Variants in SULT1C3 observed in about 807,000 individuals in gnomAD.
SULT1C3 encodes the protein sulfotransferase 1C3.
In SULT1C3, 31 loss-of-function variants were observed where a neutral mutation model predicts 28.4. The ratio of observed to expected loss-of-function variants is 1.09; its 90% CI spans 0.82 to 1.47. SULT1C3 has a LOEUF of 1.47. Among genes scored for constraint, SULT1C3 ranks in the 40% most tolerant of loss-of-function variants. The pLI is 0.00. For missense variants in SULT1C3, 307 were observed against 272.5 expected (o/e 1.13, Z -0.89); for synonymous variants, 106 against 92.2 (o/e 1.15, Z -0.86).
At chr2:108,241,413 C>T (rs1675458757) in intron 1 of SULT1C3, among the ~76,000 whole-genome samples, 2 of 152,154 alleles carry the variant, frequency 1.3e-5, no homozygotes, top group Admixed American at 1.3e-4. Context: ...CAATATGTAC[C>T]TTACTCAATT....
intron 5 of SULT1C3, among the ~76,000 whole-genome samples, chr2:108,258,364 G>A (rs1301431050): frequency 6.6e-6 from 1 of 152,102 alleles, no homozygotes; most frequent in Non-Finnish European, 1.5e-5. Context: ...AGAGGAACTT[G>A]CAAACTGCAT....
downstream of SULT1C3, chr2:108,265,121 G>GTAC (rs1676105090): frequency 6.8e-7 from 1 of 1,464,468 alleles, no homozygotes; most frequent in African/African-American, 1.4e-5. Flanking sequence ...CAGCACCACT[G>GTAC]TACAACCTTT....
rs1235419468 is a variant in SULT1C3, at chr2:108,253,342, T to C, written c.302-3T>C. ...ACAAAGAATATAAATTGTTTCTTGC[T>C]AGATTTGGAGTTCGTTCTTGAAATG... On this transcript the variant is annotated splice_region_variant and splice_polypyrimidine_tract_variant and intron_variant, in intron 3 of 7. Coordinates refer to ENST00000681802, the MANE Select transcript of SULT1C3 (RefSeq NM_001320878.2). 44 of 1,516,108 alleles carry C rather than the reference T, an allele frequency of 2.9e-5. No individual in the cohort carries two copies. Among genetic ancestry groups the C allele is most frequent in the Non-Finnish European group, 3.8e-5 (43 of 1,132,382 alleles). 93.9% of individuals were successfully genotyped at this position (1,516,108 alleles called of 1,614,324 possible).
chr2:108,260,716 C>T lies in SULT1C3; in HGVS notation c.*36C>T, dbSNP rs1242101129. 1 of 454,690 alleles carries T rather than the reference C, an allele frequency of 2.2e-6. No homozygotes were observed. Among genetic ancestry groups the T allele is most frequent in the Non-Finnish European group, 4.4e-6 (1 of 225,884 alleles). The allele number at this position is 454,690 out of a possible 1,614,324, so 28.2% of individuals were successfully genotyped here. ...AACAAACTAGGTGACAGAGACTATG[C>T]CAACTATTTCGCCTTTTATTCTGTT... is the stretch of plus-strand genomic sequence containing the variant. On this transcript the variant is annotated 3_prime_UTR_variant, in exon 8 of 8. Coordinates refer to ENST00000681802, the MANE Select transcript of SULT1C3 (RefSeq NM_001320878.2).
At position 108,260,681 on chromosome 2, in the gene SULT1C3, G is replaced by A. The variant is rs928466808; in HGVS notation, c.*1G>A. ...ACTGAACTTCTGCCTGGAGATCTGA[G>A]AGGAACAACAACAAACTAGGTGACA... On this transcript the variant is annotated 3_prime_UTR_variant, in exon 8 of 8. Transcript: ENST00000681802. The A allele has an allele frequency of 2.1e-6, 1 of 466,010 alleles. No homozygotes were observed. The highest frequency in any genetic ancestry group is 4.3e-6 in the Non-Finnish European group (1 of 231,752). The allele number at this position is 466,010 out of a possible 1,614,324, so 28.9% of individuals were successfully genotyped here.
At chr2:108,241,693 C>G (rs1675463108) in intron 1 of SULT1C3, among the ~76,000 whole-genome samples, 1 of 151,970 alleles carries the variant, frequency 6.6e-6, no homozygotes, top group South Asian at 2.1e-4. Flanking sequence ...TTTGGGAGGC[C>G]CAGGTGGGTG....
At chr2:108,263,920 C>T (rs1162048837), downstream of SULT1C3, among the ~76,000 whole-genome samples, 1 of 152,212 alleles carries the variant, frequency 6.6e-6, no homozygotes, top group Non-Finnish European at 1.5e-5. Context: ...GCTCCTGGCA[C>T]TTGTAAGCCA....
At position 108,247,257 on chromosome 2, in the gene SULT1C3, G is replaced by T. The variant is rs544432943; in HGVS notation, c.63G>T (p.Met21Ile). The T allele has an allele frequency of 1.3e-6, 2 of 1,593,540 alleles. No individual in the cohort carries two copies. Among genetic ancestry groups the T allele is most frequent in the African/African-American group, 2.7e-5 (2 of 74,340 alleles). The change falls in exon 2 of 8, where the codon ATG becomes ATT. Residue 21 changes from methionine to isoleucine, a missense_variant. Physicochemically the swap from Met to Ile is conservative, Grantham distance 10. Coordinates refer to ENST00000681802, the MANE Select transcript of SULT1C3 (RefSeq NM_001320878.2). ...MEKKPELFNI[M>I]EVDGVPTLIL... ...AAAAGCCAGAACTGTTTAACATCAT[G>T]GAAGTAGATGGAGTCCCTACGTTGA... is the stretch of plus-strand genomic sequence containing the variant.
intron 1 of SULT1C3, among the ~76,000 whole-genome samples, chr2:108,245,094 C>G (rs1330396617): frequency 6.6e-6 from 1 of 152,132 alleles, no homozygotes; most frequent in Admixed American, 6.5e-5. Context: ...GAGAAGAAAA[C>G]AGTAGAGGGC....
chr2:108,265,172 C>A, downstream of SULT1C3: 1 of 1,508,642 alleles, frequency 6.6e-7, no homozygotes, highest in Non-Finnish European at 9.1e-7. Context: ...TTGGTGGGGT[C>A]CTAAGGGTGC....
chr2:108,253,616 T>A (rs1675789262), intron 4 of SULT1C3, among the ~76,000 whole-genome samples, 174 bp downstream of exon 4: 1 of 152,118 alleles, frequency 6.6e-6, no homozygotes, highest in Admixed American at 6.6e-5. Flanking sequence ...TCTGCAAACA[T>A]CCATGTTTTC....
intron 1 of SULT1C3, among the ~76,000 whole-genome samples, chr2:108,246,173 A>G (rs1675571442): frequency 6.6e-6 from 1 of 152,188 alleles, no homozygotes; most frequent in Admixed American, 6.5e-5. Flanking sequence ...AGGCCATTCA[A>G]CAAGTCTCTA....
At chr2:108,264,964 C>G, downstream of SULT1C3, 2 of 1,613,766 alleles carry the variant, frequency 1.2e-6, no homozygotes, top group East Asian at 4.5e-5. Flanking sequence ...ACTTTGCCCA[C>G]CAGCATTATG....
rs1249798459 is a variant in SULT1C3, at chr2:108,239,996, T to C, written c.-95T>C. ...ACCTGCTGTGCTCTTGCTTGCACAG[T>C]GTCCTGGAGCTGGACCTGGCTCTGG... On this transcript the variant is annotated 5_prime_UTR_variant, in exon 1 of 8. Coordinates refer to ENST00000681802, the MANE Select transcript of SULT1C3 (RefSeq NM_001320878.2). Among the ~76,000 whole-genome samples the C allele has an allele frequency of 2.6e-5, 4 of 152,212 alleles. No homozygotes were observed. Among genetic ancestry groups the C allele is most frequent in the Non-Finnish European group, 5.9e-5 (4 of 68,042 alleles).
intron 1 of SULT1C3, among the ~76,000 whole-genome samples, chr2:108,244,214 G>A (rs1049620422): frequency 2.0e-5 from 3 of 152,142 alleles, no homozygotes; most frequent in Admixed American, 2.0e-4. Context: ...CTCACACAGG[G>A]AGAGAGAAGC....
chr2:108,246,673 T>G (rs1675590194), intron 1 of SULT1C3, among the ~76,000 whole-genome samples: 1 of 152,232 alleles, frequency 6.6e-6, no homozygotes, highest in Admixed American at 6.5e-5. Flanking sequence ...GAAATTATGT[T>G]TTTTGAAGAT....
chr2:108,240,616 C>A (rs544600767), intron 1 of SULT1C3, among the ~76,000 whole-genome samples: 33 of 152,306 alleles, frequency 2.2e-4, no homozygotes, highest in African/African-American at 7.5e-4. Flanking sequence ...CCAGAACTAG[C>A]ATATTGATTC....
At chr2:108,257,801 G>T (rs1675913928) in intron 5 of SULT1C3, among the ~76,000 whole-genome samples, 1 of 152,016 alleles carries the variant, frequency 6.6e-6, no homozygotes, top group African/African-American at 2.4e-5. Flanking sequence ...GGCATCCGCT[G>T]GGGGTCATGT....
intron 4 of SULT1C3, among the ~76,000 whole-genome samples, chr2:108,254,769 GTATGCATATATATGTATA>G (rs1573222440): frequency 6.7e-6 from 1 of 150,236 alleles, no homozygotes; most frequent in East Asian, 2.0e-4. Context: ...ATATATGTAT[GTATGCATATATATGTATA>G]TATGTATGTA....
Sources: gnomAD v4.1 joint callset for allele counts (sites outside exome capture counted in the v4.1 genomes callset) on GRCh38, gnomAD v4.1.1 for gene constraint, MANE v1.5 for transcripts, NCBI Gene and HGNC (gene_info 2026-07-23, HGNC 2026-07-21) for gene names.